KLF12: variants seen among roughly 807,000 people sequenced by gnomAD.
The protein encoded by KLF12 is KLF transcription factor 12.
In KLF12, 9 loss-of-function variants were observed where a neutral mutation model predicts 37.8. That is an observed-to-expected ratio of 0.24 (90% CI 0.14 to 0.42). KLF12 has a LOEUF of 0.42. Among genes scored for constraint, KLF12 ranks in the 10% least tolerant of loss-of-function variants. The pLI is 1.00. For missense variants in KLF12, 411 were observed against 516.0 expected (o/e 0.80, Z 1.97); for synonymous variants, 208 against 202.1 (o/e 1.03, Z -0.25).
chr13:73,926,879 C>T (rs1167623425), intron 3 of KLF12, among the ~76,000 whole-genome samples: 6 of 151,278 alleles, frequency 4.0e-5, no homozygotes, highest in Admixed American at 4.0e-4. Flanking sequence ...CACATTCACC[C>T]CATTTTAGAA....
intron 1 of KLF12, among the ~76,000 whole-genome samples, chr13:74,006,418 C>T (rs1017392540): frequency 3.9e-5 from 6 of 152,178 alleles, no homozygotes; most frequent in African/African-American, 7.2e-5. Context: ...ATTACCACCA[C>T]CCCAGGTAAC....
the KLF12 span, among the ~76,000 whole-genome samples, chr13:74,212,522 A>G: frequency 6.6e-6 from 1 of 152,230 alleles, no homozygotes; most frequent in Non-Finnish European, 1.5e-5. Flanking sequence ...AAACTGAGGC[A>G]CGCACAGATG....
At chr13:74,089,764 T>C (rs1345477353) in intron 1 of KLF12, among the ~76,000 whole-genome samples, 1 of 74,986 alleles carries the variant, frequency 1.3e-5, no homozygotes, top group African/African-American at 5.7e-5. Context: ...AAACTAGGAA[T>C]AGAAAGGAAT....
chr13:73,798,835 T>C (rs746645625), intron 5 of KLF12, among the ~76,000 whole-genome samples: 9 of 152,308 alleles, frequency 5.9e-5, no homozygotes, highest in East Asian at 1.9e-4. Context: ...GGCTCAACCA[T>C]TGTGGAAAGC....
At chr13:74,091,139 T>C (rs1875633722) in intron 1 of KLF12, among the ~76,000 whole-genome samples, 1 of 152,178 alleles carries the variant, frequency 6.6e-6, no homozygotes, top group African/African-American at 2.4e-5. Flanking sequence ...CAAGAGTCTT[T>C]TTAACAAATG....
Position 73,826,763 on chromosome 13 carries a change from T to TACACACACAC in KLF12, c.671-13486_671-13477dup, listed in dbSNP as rs59262711. On this transcript the variant is annotated intron_variant, in intron 4 of 7. Coordinates refer to ENST00000377669, the MANE Select transcript of KLF12 (RefSeq NM_007249.5). The stretch of plus-strand genomic sequence containing the variant: ...AAATGGCATATAACAATATCATATC[T>TACACACACAC]ACACACACACACACACACACACATA... 7.3e-3 allele frequency among the ~76,000 whole-genome samples: 1,093 copies of TACACACACAC among 149,460 alleles called. 8 individuals carry two copies. The highest frequency in any genetic ancestry group is 0.022 in the African/African-American group (880 of 40,672).
chr13:74,075,012 G>A (rs1422107915), intron 1 of KLF12, among the ~76,000 whole-genome samples: 1 of 152,180 alleles, frequency 6.6e-6, no homozygotes, highest in Non-Finnish European at 1.5e-5. Flanking sequence ...CAACTCAAAT[G>A]TAAGAAGGAT....
At chr13:74,216,281 C>T in the KLF12 span, among the ~76,000 whole-genome samples, 1 of 152,094 alleles carries the variant, frequency 6.6e-6, no homozygotes, top group African/African-American at 2.4e-5. Context: ...CAGAAGAGAA[C>T]CTAATTTCAG....
chr13:73,747,014 A>G lies in KLF12; in HGVS notation c.869+17924T>C, dbSNP rs377288568. ...GTATTTTTAGTAGAGATGGGATTTC[A>G]CCATGTTGGTCAGGCTGGTCTCGAA... is the stretch of plus-strand genomic sequence containing the variant. On this transcript the variant is annotated intron_variant, in intron 6 of 7. Transcript: ENST00000377669. Among the ~76,000 whole-genome samples the G allele has an allele frequency of 5.8e-4, 88 of 151,886 alleles. 2 individuals carry two copies. The South Asian group carries it at 0.013, about 22-fold the overall frequency.
At chr13:73,870,830 G>A (rs1886428186) in intron 3 of KLF12, among the ~76,000 whole-genome samples, 1 of 152,126 alleles carries the variant, frequency 6.6e-6, no homozygotes, top group Non-Finnish European at 1.5e-5. Context: ...CCAGCCAGGG[G>A]CCTTCTACTC....
chr13:73,889,829 TA>T (rs1247421849), intron 3 of KLF12, among the ~76,000 whole-genome samples: 2 of 152,098 alleles, frequency 1.3e-5, no homozygotes, highest in African/African-American at 4.8e-5. Context: ...TATTACAAAA[TA>T]AAAGGAACTA....
chr13:74,143,672 A>G, the KLF12 span, among the ~76,000 whole-genome samples: 1 of 152,142 alleles, frequency 6.6e-6, no homozygotes, highest in Non-Finnish European at 1.5e-5. Context: ...ATCATCATCT[A>G]ATACAGATGA....
chr13:74,291,562 T>C, the KLF12 span, among the ~76,000 whole-genome samples: 1 of 152,092 alleles, frequency 6.6e-6, no homozygotes, highest in East Asian at 1.9e-4. Context: ...GTTAATCCAG[T>C]CCACAGGCAG....
intron 6 of KLF12, among the ~76,000 whole-genome samples, chr13:73,746,886 C>T (rs145968274): frequency 0.013 from 1,820 of 139,040 alleles, 29 homozygotes; most frequent in African/African-American, 0.046. Flanking sequence ...ACAATCTTGG[C>T]TCACTGCAAC....
intron 6 of KLF12, among the ~76,000 whole-genome samples, chr13:73,749,054 G>GT (rs1230703124): frequency 1.3e-5 from 2 of 152,132 alleles, no homozygotes; most frequent in Non-Finnish European, 2.9e-5. Context: ...CCTATGTTCA[G>GT]TTTTTTATCA....
chr13:73,791,949 TG>T (rs1163353757), intron 5 of KLF12, among the ~76,000 whole-genome samples: 1 of 152,216 alleles, frequency 6.6e-6, no homozygotes, highest in Non-Finnish European at 1.5e-5. Context: ...GTACTAAACA[TG>T]GCAAAACCAC....
At chr13:74,227,016 A>C in the KLF12 span, among the ~76,000 whole-genome samples, 3 of 152,152 alleles carry the variant, frequency 2.0e-5, no homozygotes, top group Non-Finnish European at 4.4e-5. Context: ...GTCTTAATTA[A>C]GCACTGGTTT....
At chr13:73,725,355 C>T (rs1256510986) in intron 6 of KLF12, among the ~76,000 whole-genome samples, 1 of 152,156 alleles carries the variant, frequency 6.6e-6, no homozygotes, top group East Asian at 1.9e-4. Context: ...CTGCCTTGGC[C>T]TCCCAAAGTG....
chr13:73,828,820 C>A (rs145518632), intron 4 of KLF12, among the ~76,000 whole-genome samples: 1 of 152,188 alleles, frequency 6.6e-6, no homozygotes, highest in African/African-American at 2.4e-5. Context: ...AAGTACTTTT[C>A]ATTTGAACAA....
Sources: allele counts gnomAD v4.1 joint callset (sites outside exome capture counted in the v4.1 genomes callset), GRCh38; gene constraint gnomAD v4.1.1; transcripts MANE v1.5; gene names NCBI Gene and HGNC (gene_info 2026-07-23, HGNC 2026-07-21).